The following AFF3 variants were observed in gnomAD, a reference collection of about 807,000 sequenced individuals.
AFF3 encodes the protein ALF transcription elongation factor 3.
Under a neutral mutation model 129.7 loss-of-function variants are expected in AFF3, and 32 were observed. The ratio of observed to expected loss-of-function variants is 0.25; its 90% confidence interval spans 0.19 to 0.33. The LOEUF is 0.33. Among genes scored for constraint, AFF3 ranks in the 10% least tolerant of loss-of-function variants. AFF3 has a pLI of 1.00. For missense variants in AFF3, 1,373 were observed against 1,592.0 expected, an observed-to-expected ratio of 0.86 and a Z score of 2.34; for synonymous variants, 644 against 635.4, an observed-to-expected ratio of 1.01 and a Z score of -0.20.
intron 7 of AFF3, among the ~76,000 whole-genome samples, chr2:99,937,451 G>T (rs112078087): frequency 0.013 from 1,952 of 152,210 alleles, 32 homozygotes; most frequent in African/African-American, 0.044. Context: ...CCAGGCTGGA[G>T]TGGAGTGAGC....
chr2:99,792,295 T>TC (rs1685249533), intron 8 of AFF3, among the ~76,000 whole-genome samples: 1 of 152,060 alleles, frequency 6.6e-6, no homozygotes, highest in South Asian at 2.1e-4. Context: ...GTAAGAAGAC[T>TC]CTGCCTCTAC....
At chr2:99,676,565 G>C (rs1015130979) in intron 11 of AFF3, among the ~76,000 whole-genome samples, 3 of 152,182 alleles carry the variant, frequency 2.0e-5, no homozygotes, top group African/African-American at 7.2e-5. Flanking sequence ...TCCAATCAAT[G>C]CTCATTTTTA....
At chr2:100,142,210 C>T (rs1051602422) in intron 1 of AFF3, among the ~76,000 whole-genome samples, 1 of 150,226 alleles carries the variant, frequency 6.7e-6, no homozygotes, top group African/African-American at 2.4e-5. Context: ...GCACCCTCTA[C>T]CACACACACA....
At chr2:99,964,730 G>T (rs1040388508) in intron 7 of AFF3, among the ~76,000 whole-genome samples, 4 of 152,086 alleles carry the variant, frequency 2.6e-5, no homozygotes, top group African/African-American at 9.7e-5. Context: ...TGTACAAAAA[G>T]AATTATGCAC....
intron 11 of AFF3, among the ~76,000 whole-genome samples, chr2:99,699,298 AC>A (rs753773644): frequency 6.6e-6 from 1 of 152,064 alleles, no homozygotes. Flanking sequence ...TCTGATGGGC[AC>A]CCTTTGATCA....
chr2:99,623,252 C>G (rs1353175164), intron 13 of AFF3, among the ~76,000 whole-genome samples: 1 of 151,214 alleles, frequency 6.6e-6, no homozygotes, highest in Admixed American at 6.6e-5. Flanking sequence ...CCTGCCACAT[C>G]ATTTGCAGTG....
intron 18 of AFF3, chr2:99,572,573 G>A (rs866999706): frequency 3.5e-5 from 16 of 455,442 alleles, no homozygotes; most frequent in African/African-American, 2.0e-4. Flanking sequence ...GTTCCTCGGC[G>A]CGGCAGAAAT....
chr2:100,106,094 C>T, intron 2 of AFF3: 3 of 1,287,114 alleles, frequency 2.3e-6, no homozygotes, highest in African/African-American at 1.5e-5. Context: ...GACCAAAAGG[C>T]CAATGAGACT....
chr2:99,967,940 G>A (rs150824785), intron 7 of AFF3, among the ~76,000 whole-genome samples: 2 of 152,304 alleles, frequency 1.3e-5, no homozygotes, highest in African/African-American at 2.4e-5. Context: ...CCACAGGATT[G>A]TCTCACTTTC....
At chr2:99,822,049 CTG>C (rs1409828628) in intron 8 of AFF3, among the ~76,000 whole-genome samples, 1 of 152,146 alleles carries the variant, frequency 6.6e-6, no homozygotes, top group Non-Finnish European at 1.5e-5. Context: ...AAAAATTACT[CTG>C]TGTGATTTTA....
chr2:99,936,565 G>C (rs1674546972), intron 7 of AFF3, among the ~76,000 whole-genome samples: 1 of 152,164 alleles, frequency 6.6e-6, no homozygotes, highest in South Asian at 2.1e-4. Context: ...ACAGTTTACA[G>C]GCTGTAACTT....
At chr2:99,608,396 C>T (rs60695941) in intron 13 of AFF3, among the ~76,000 whole-genome samples, 5,610 of 152,280 alleles carry the variant, frequency 0.037, 127 homozygotes, top group East Asian at 0.045. Flanking sequence ...GCCCTTACCA[C>T]GTTAAGGATT....
At chr2:99,841,686 T>G (rs1689329783) in intron 7 of AFF3, among the ~76,000 whole-genome samples, 1 of 152,168 alleles carries the variant, frequency 6.6e-6, no homozygotes, top group Non-Finnish European at 1.5e-5. Context: ...TGGAGCTCCT[T>G]TCAGCCCAAG....
At chr2:99,782,604 C>T (rs1684497236) in intron 8 of AFF3, among the ~76,000 whole-genome samples, 1 of 152,200 alleles carries the variant, frequency 6.6e-6, no homozygotes, top group African/African-American at 2.4e-5. Flanking sequence ...TTGCTCAAGT[C>T]CTTCTATGCT....
intron 7 of AFF3, among the ~76,000 whole-genome samples, chr2:99,922,712 A>G (rs1055323922): frequency 6.6e-6 from 1 of 152,180 alleles, no homozygotes; most frequent in Non-Finnish European, 1.5e-5. Context: ...TACCTCAAAG[A>G]AAGTAATACC....
At chr2:100,051,071 A>C (rs1489185286) in intron 4 of AFF3, among the ~76,000 whole-genome samples, 1 of 152,182 alleles carries the variant, frequency 6.6e-6, no homozygotes, top group Non-Finnish European at 1.5e-5. Context: ...ATGCTGGGGA[A>C]GTTATTTACA....
At chr2:100,104,623 C>T in intron 3 of AFF3, 105 bp from the exon 4 acceptor site, 1 of 968,844 alleles carries the variant, frequency 1.0e-6, no homozygotes, top group Non-Finnish European at 1.2e-6. Flanking sequence ...CCCCCGCCCC[C>T]GACTCCGGGC....
chr2:100,134,985 C>G (rs1312519429), intron 1 of AFF3, among the ~76,000 whole-genome samples: 2 of 152,124 alleles, frequency 1.3e-5, no homozygotes, highest in African/African-American at 2.4e-5. Context: ...GGGCAGAGAC[C>G]TAAAGGGAGT....
At chr2:99,568,813 T>C (rs748394423) in intron 19 of AFF3, 39 bp downstream of exon 19, 1 of 1,594,242 alleles carries the variant, frequency 6.3e-7, no homozygotes, top group Non-Finnish European at 8.6e-7. Context: ...AGTACACACA[T>C]AATTTGGAAG....
Sources: allele counts gnomAD v4.1 joint callset (sites outside exome capture counted in the v4.1 genomes callset), GRCh38; gene constraint gnomAD v4.1.1; transcripts MANE v1.5; gene names NCBI Gene and HGNC (gene_info 2026-07-23, HGNC 2026-07-21).